The following EPG5 variants were observed in gnomAD, a reference collection of about 807,000 sequenced individuals.
The protein encoded by EPG5 is ectopic P granules protein 5 homolog.
EPG5 carries 159 observed loss-of-function variants against 302.7 expected under a neutral mutation model. The observed-to-expected ratio is 0.53, with a 90% CI of 0.46 to 0.60. The LOEUF is 0.60. Ranked by LOEUF, EPG5 falls within the 20% of genes least tolerant of loss-of-function variation. EPG5 has a pLI of 0.00. For missense variants in EPG5, 2,896 were observed against 3,092.4 expected (o/e 0.94, Z 1.51); for synonymous variants, 1,158 against 1,136.8 (o/e 1.02, Z -0.37).
intron 28 of EPG5, among the ~76,000 whole-genome samples, chr18:45,889,433 A>T (rs1250494779): frequency 6.6e-6 from 1 of 152,336 alleles, no homozygotes; most frequent in East Asian, 1.9e-4. Flanking sequence ...TAAGCACTAA[A>T]TCTCTCCACA....
chr18:45,923,301 T>C lies in EPG5; in HGVS notation c.2805A>G (p.Pro935=). The C allele has an allele frequency of 6.2e-7, 1 of 1,614,006 alleles. No individual in the cohort carries two copies. The highest frequency in any genetic ancestry group is 8.5e-7 in the Non-Finnish European group (1 of 1,179,946). ...EAYQKYLAQK[P]YAGILSESMK... ...TACTTTCAGAGAGAATCCCAGCATATGGCTTCTGTGCAAGGTACTTCTGAT... is the reference window on the plus strand; with the variant it reads ...TACTTTCAGAGAGAATCCCAGCATACGGCTTCTGTGCAAGGTACTTCTGAT... Residue 935 remains proline (P), a synonymous_variant, in exon 15 of 44, where the codon CCA becomes CCG. Coordinates refer to ENST00000282041, the MANE Select transcript of EPG5 (RefSeq NM_020964.3).
chr18:45,916,810 C>T (rs1599566716), intron 17 of EPG5: 3 of 325,508 alleles, frequency 9.2e-6, no homozygotes, highest in Admixed American at 8.6e-5. Flanking sequence ...CACACAAACA[C>T]ATGCAAGTTA....
At chr18:45,905,950 T>C (rs1378077659) in intron 24 of EPG5, among the ~76,000 whole-genome samples, 1 of 152,166 alleles carries the variant, frequency 6.6e-6, no homozygotes, top group Admixed American at 6.5e-5. Context: ...CATGTGTATT[T>C]TTCTTGTTTC....
At chr18:45,837,836 T>C in the EPG5 span, 1 of 1,535,546 alleles carries the variant, frequency 6.5e-7, no homozygotes, top group Non-Finnish European at 8.7e-7. Flanking sequence ...CCGCGTCGAG[T>C]TCGCCGGCGA....
intron 7 of EPG5, among the ~76,000 whole-genome samples, chr18:45,944,763 C>A (rs74719222): frequency 2.9e-3 from 439 of 152,204 alleles, no homozygotes; most frequent in African/African-American, 9.9e-3. Context: ...TCAAAAAAAA[C>A]AAGAACCATA....
chr18:45,938,627 C>G (rs535539666), intron 10 of EPG5, among the ~76,000 whole-genome samples: 86 of 152,194 alleles, frequency 5.7e-4, no homozygotes, highest in African/African-American at 2.0e-3. Context: ...AAGAAAAACC[C>G]CCACTTACAT....
chr18:45,873,339 G>A (rs920602288), intron 35 of EPG5, among the ~76,000 whole-genome samples: 20 of 151,956 alleles, frequency 1.3e-4, no homozygotes, highest in African/African-American at 4.6e-4. Flanking sequence ...GTGAAACCAC[G>A]TCTCTACTAA....
At chr18:45,967,038 G>A (rs1436523314) in intron 1 of EPG5, 139 bp downstream of exon 1, 7 of 763,792 alleles carry the variant, frequency 9.2e-6, no homozygotes, top group Non-Finnish European at 1.0e-5. Flanking sequence ...ACGGGTGGTG[G>A]GATCAAATAT....
chr18:45,867,294 A>G (rs1281731240), intron 37 of EPG5, among the ~76,000 whole-genome samples: 3 of 152,248 alleles, frequency 2.0e-5, no homozygotes, highest in Non-Finnish European at 4.4e-5. Context: ...GACTTCAAGA[A>G]GCATACAAGA....
At chr18:45,813,827 T>C in the EPG5 span, among the ~76,000 whole-genome samples, 1 of 152,052 alleles carries the variant, frequency 6.6e-6, no homozygotes, top group African/African-American at 2.4e-5. Flanking sequence ...GACGAGTTAA[T>C]GGGTGCAGCA....
At chr18:45,816,593 T>G in the EPG5 span, among the ~76,000 whole-genome samples, 1 of 152,102 alleles carries the variant, frequency 6.6e-6, no homozygotes, top group African/African-American at 2.4e-5. Flanking sequence ...ACTTACATAA[T>G]GCAGGAATGG....
chr18:45,825,833 A>C, the EPG5 span: 1 of 1,592,992 alleles, frequency 6.3e-7, no homozygotes, highest in African/African-American at 1.3e-5. Flanking sequence ...TAGATGCTGA[A>C]AGCATCTTAG....
At chr18:45,940,788 G>C (rs2050648729) in intron 9 of EPG5, among the ~76,000 whole-genome samples, 1 of 152,002 alleles carries the variant, frequency 6.6e-6, no homozygotes, top group Non-Finnish European at 1.5e-5. Context: ...TTTGCAGTTA[G>C]ATTGAATGTG....
At chr18:45,808,993 C>T in the EPG5 span, among the ~76,000 whole-genome samples, 2 of 152,180 alleles carry the variant, frequency 1.3e-5, no homozygotes, top group East Asian at 3.9e-4. Context: ...CTTCAGGAGG[C>T]TCACCTAACA....
the EPG5 span, among the ~76,000 whole-genome samples, chr18:45,812,322 C>T: frequency 6.6e-5 from 10 of 152,266 alleles, no homozygotes; most frequent in Admixed American, 2.6e-4. Context: ...GAATCAATAT[C>T]GTGAAAATGG....
At chr18:45,966,375 C>CA (rs540209261) in intron 1 of EPG5, among the ~76,000 whole-genome samples, 12,852 of 72,830 alleles carry the variant, frequency 0.18, 756 homozygotes, top group African/African-American at 0.25. Context: ...GACTCTGTCT[C>CA]AAAAAAAAAA....
At position 45,930,214 on chromosome 18, in the gene EPG5, G is replaced by A. The variant is rs974535551; in HGVS notation, c.2412+462C>T. Among the ~76,000 whole-genome samples the A allele has an allele frequency of 2.0e-5, 3 of 152,076 alleles. No homozygotes were observed. In the East Asian group the frequency reaches 5.8e-4, roughly 29 times the overall value. ...TATAGATGAGGAAAATGAAGCCTGGGGTAATAAGTTATCTTTTTTGATGTG... is the reference window on the plus strand; with the variant it reads ...TATAGATGAGGAAAATGAAGCCTGGAGTAATAAGTTATCTTTTTTGATGTG... On this transcript the variant is annotated intron_variant, in intron 12 of 43. Coordinates refer to ENST00000282041, the MANE Select transcript of EPG5 (RefSeq NM_020964.3).
Position 45,858,706 on chromosome 18 carries a change from G to A in EPG5, c.7086C>T (p.Phe2362=), listed in dbSNP as rs765931166. Residue 2362 remains phenylalanine, a synonymous_variant, in exon 41 of 44, where the codon TTC becomes TTT. Coordinates refer to ENST00000282041, the MANE Select transcript of EPG5 (RefSeq NM_020964.3). The part of the protein sequence containing the change: ...LQVPELTMEE[F]LQECLTLGSY... Reference sequence around the variant, plus strand: ...TGCCCAAGGTGAGGCACTCCTGCAGGAACTCTTCCATGGTGAGCTCGGGAA... The same window carrying A: ...TGCCCAAGGTGAGGCACTCCTGCAGAAACTCTTCCATGGTGAGCTCGGGAA... 4 of 1,614,152 alleles carry A rather than the reference G, an allele frequency of 2.5e-6. No individual in the cohort carries two copies. Among genetic ancestry groups the A allele is most frequent in the Non-Finnish European group, 3.4e-6 (4 of 1,180,020 alleles).
rs1044855540 is a variant in EPG5, at chr18:45,850,693, A to G, written c.*1774T>C. 2.6e-5 allele frequency: 4 copies of G among 152,658 alleles called. No individual in the cohort carries two copies. In the South Asian group the frequency reaches 6.2e-4, roughly 24 times the overall value. The allele number at this position is 152,658 out of a possible 1,614,324, so 9.5% of individuals were successfully genotyped here. A position where few individuals can be genotyped will look rare whatever the true frequency, so the allele number is the denominator to read the frequency against. On this transcript the variant is annotated 3_prime_UTR_variant, in exon 44 of 44. Coordinates refer to ENST00000282041, the MANE Select transcript of EPG5 (RefSeq NM_020964.3). ...TATTTTTTATAATTTTTACAGACCA[A>G]AAAACATTATACAGATTAATCATAA...
Sources: allele counts gnomAD v4.1 joint callset (sites outside exome capture counted in the v4.1 genomes callset), GRCh38; gene constraint gnomAD v4.1.1; transcripts MANE v1.5; gene names NCBI Gene and HGNC (gene_info 2026-07-23, HGNC 2026-07-21).